SDCCAG8: variants seen among roughly 807,000 people sequenced by gnomAD.
The protein encoded by SDCCAG8 is serologically defined colon cancer antigen 8.
SDCCAG8 carries 74 observed loss-of-function variants against 101.8 expected under a neutral mutation model. That is an observed-to-expected ratio of 0.73 (90% CI 0.60 to 0.88). SDCCAG8 has a LOEUF of 0.88. SDCCAG8 is among the 40% of genes least tolerant of loss of function. SDCCAG8 has a pLI of 0.00. For missense variants in SDCCAG8, 787 were observed against 822.6 expected (o/e 0.96, Z 0.53); for synonymous variants, 281 against 292.9 (o/e 0.96, Z 0.41).
intron 16 of SDCCAG8, among the ~76,000 whole-genome samples, chr1:243,468,976 T>G (rs575960403): frequency 6.6e-6 from 1 of 152,356 alleles, no homozygotes; most frequent in South Asian, 2.1e-4. Flanking sequence ...ACCAGTCACT[T>G]TATATACTCT....
chr1:243,403,135 G>A (rs1164443489), intron 13 of SDCCAG8, among the ~76,000 whole-genome samples: 1 of 152,156 alleles, frequency 6.6e-6, no homozygotes, highest in African/African-American at 2.4e-5. Flanking sequence ...TGCCTCATGT[G>A]GAGCTTCCCA....
chr1:243,400,906 A>G (rs983066237), intron 13 of SDCCAG8, among the ~76,000 whole-genome samples: 1 of 152,128 alleles, frequency 6.6e-6, no homozygotes, highest in African/African-American at 2.4e-5. Flanking sequence ...ATTTTCCTTC[A>G]ACCCATGATA....
intron 13 of SDCCAG8, among the ~76,000 whole-genome samples, chr1:243,384,704 A>C (rs1025866938): frequency 6.6e-6 from 1 of 152,024 alleles, no homozygotes; most frequent in Non-Finnish European, 1.5e-5. Context: ...GAAACTTGGG[A>C]GGCTGAGGTA....
At chr1:243,372,651 A>G (rs2077358008) in intron 12 of SDCCAG8, among the ~76,000 whole-genome samples, 1 of 151,884 alleles carries the variant, frequency 6.6e-6, no homozygotes, top group South Asian at 2.1e-4. Context: ...CTCAAATTGT[A>G]GGATTGTGAA....
chr1:243,336,843 G>A (rs1449238189), intron 10 of SDCCAG8, among the ~76,000 whole-genome samples: 1 of 151,998 alleles, frequency 6.6e-6, no homozygotes, highest in East Asian at 1.9e-4. Flanking sequence ...TTTTTTAATG[G>A]GGTTGTTTTC....
At chr1:243,349,097 C>G (rs1483820366) in intron 12 of SDCCAG8, among the ~76,000 whole-genome samples, 1 of 152,080 alleles carries the variant, frequency 6.6e-6, no homozygotes, top group African/African-American at 2.4e-5. Context: ...GTGTAAGGAC[C>G]CTTCTGAACA....
At chr1:243,325,369 AAC>A (rs767715420) in intron 9 of SDCCAG8, among the ~76,000 whole-genome samples, 1 of 152,136 alleles carries the variant, frequency 6.6e-6, no homozygotes, top group Non-Finnish European at 1.5e-5. Flanking sequence ...GGTATGTTGA[AAC>A]ACACTAGAAT....
intron 1 of SDCCAG8, among the ~76,000 whole-genome samples, chr1:243,265,646 C>G (rs1303800963): frequency 6.6e-6 from 1 of 152,146 alleles, no homozygotes; most frequent in Non-Finnish European, 1.5e-5. Context: ...AACCCCATCT[C>G]TACTAAAAAT....
chr1:243,336,653 C>T (rs1573392561), intron 10 of SDCCAG8, among the ~76,000 whole-genome samples: 1 of 152,126 alleles, frequency 6.6e-6, no homozygotes, highest in South Asian at 2.1e-4. Context: ...ACTGCCCCGA[C>T]GATCCAATCA....
chr1:243,492,308 T>TG (rs1666671349), intron 17 of SDCCAG8, among the ~76,000 whole-genome samples: 2 of 125,276 alleles, frequency 1.6e-5, no homozygotes, highest in African/African-American at 6.1e-5. Context: ...TTTTTTTTTT[T>TG]TTTTTTTTTT....
intron 1 of SDCCAG8, among the ~76,000 whole-genome samples, chr1:243,261,264 C>G (rs566409070): frequency 6.6e-6 from 1 of 152,268 alleles, no homozygotes; most frequent in South Asian, 2.1e-4. Context: ...CCTGATTCCC[C>G]TTTAGACACC....
chr1:243,272,709 T>C (rs774563775), intron 3 of SDCCAG8, among the ~76,000 whole-genome samples: 1 of 152,220 alleles, frequency 6.6e-6, no homozygotes, highest in Admixed American at 6.5e-5. Context: ...TCTATTTATA[T>C]GGAGCTATGT....
chr1:243,401,379 CATTG>C lies in SDCCAG8; in HGVS notation c.1617-14317_1617-14314del, dbSNP rs1478014743. Among the ~76,000 whole-genome samples, 5 of 152,338 alleles carry C rather than the reference CATTG, an allele frequency of 3.3e-5. No individual in the cohort carries two copies. In the East Asian group the frequency reaches 9.6e-4, roughly 29 times the overall value. On this transcript the variant is annotated intron_variant, in intron 13 of 17. Transcript: ENST00000366541. Reference sequence around the variant, plus strand: ...GGATAGCTTACTAAACTGGCTGACACATTGATTGACAAGCTAATATGACTGCAAG... The same window carrying C: ...GGATAGCTTACTAAACTGGCTGACACATTGACAAGCTAATATGACTGCAAG...
At chr1:243,423,487 C>T (rs935667726) in intron 15 of SDCCAG8, among the ~76,000 whole-genome samples, 16 of 152,052 alleles carry the variant, frequency 1.1e-4, no homozygotes, top group Admixed American at 5.9e-4. Flanking sequence ...GAAAACAAAA[C>T]TTTATTAAAT....
intron 16 of SDCCAG8, among the ~76,000 whole-genome samples, chr1:243,430,564 G>T (rs547785262): frequency 2.2e-4 from 33 of 151,976 alleles, no homozygotes; most frequent in African/African-American, 7.0e-4. Flanking sequence ...CCTGCCTCCC[G>T]AGTAGCTGGG....
intron 1 of SDCCAG8, among the ~76,000 whole-genome samples, chr1:243,257,716 G>C (rs1395848802): frequency 6.6e-6 from 1 of 152,140 alleles, no homozygotes; most frequent in Non-Finnish European, 1.5e-5. Flanking sequence ...CAAACTGCAG[G>C]AGTAAAAAAA....
chr1:243,426,659 T>C, intron 16 of SDCCAG8, 101 bp downstream of exon 16: 2 of 1,391,100 alleles, frequency 1.4e-6, no homozygotes, highest in Non-Finnish European at 2.0e-6. Context: ...TCATCATCAT[T>C]ATGCTACTTG....
At chr1:243,497,098 C>A (rs1233376085) in intron 17 of SDCCAG8, among the ~76,000 whole-genome samples, 2 of 152,192 alleles carry the variant, frequency 1.3e-5, no homozygotes, top group African/African-American at 4.8e-5. Flanking sequence ...CTGGACGAGA[C>A]CATGATCACT....
chr1:243,290,072 C>T (rs1013623069), intron 5 of SDCCAG8, among the ~76,000 whole-genome samples: 5 of 151,908 alleles, frequency 3.3e-5, no homozygotes, highest in Admixed American at 6.6e-5. Context: ...CAAAATAATA[C>T]GAAAACATGT....
Sources: gnomAD v4.1 joint callset for allele counts (sites outside exome capture counted in the v4.1 genomes callset) on GRCh38, gnomAD v4.1.1 for gene constraint, MANE v1.5 for transcripts, NCBI Gene and HGNC (gene_info 2026-07-23, HGNC 2026-07-21) for gene names.